Variants in LRRC39 observed in about 807,000 individuals in gnomAD.
LRRC39 encodes leucine-rich repeat-containing protein 39.
In LRRC39, 35 loss-of-function variants were observed where a neutral mutation model predicts 39.7. The ratio of observed to expected loss-of-function variants is 0.88; its 90% CI spans 0.67 to 1.17. The LOEUF (loss-of-function observed/expected upper bound fraction) is 1.17. Ranked by LOEUF, LRRC39 falls within the 50% of genes most tolerant of loss-of-function variation. LRRC39 has a pLI of 0.00. For synonymous variants in LRRC39, 113 were observed against 134.1 expected, an observed-to-expected ratio of 0.84 and a Z score of 1.09; for missense variants, 357 against 385.8, an observed-to-expected ratio of 0.93 and a Z score of 0.62.
At chr1:100,161,451 T>C (rs1297961384) in intron 3 of LRRC39, among the ~76,000 whole-genome samples, 13 of 152,234 alleles carry the variant, frequency 8.5e-5, no homozygotes, top group Admixed American at 2.0e-4. Flanking sequence ...TGTGGCAGAA[T>C]GATTCCACTG....
intron 5 of LRRC39, 36 bp downstream of exon 5, chr1:100,159,223 A>T (rs770886777): frequency 6.5e-7 from 1 of 1,538,420 alleles, no homozygotes. Flanking sequence ...CTGCAGGTGG[A>T]TAAAATAGCA....
At chr1:100,172,222 T>C (rs576222043) in intron 2 of LRRC39, among the ~76,000 whole-genome samples, 1 of 152,230 alleles carries the variant, frequency 6.6e-6, no homozygotes, top group Non-Finnish European at 1.5e-5. Context: ...TTCCTGAGAA[T>C]AGAAAAGAAA....
intron 3 of LRRC39, among the ~76,000 whole-genome samples, chr1:100,164,485 G>A (rs998307480): frequency 2.0e-5 from 3 of 152,102 alleles, no homozygotes; most frequent in Non-Finnish European, 4.4e-5. Context: ...AGATCCCTAT[G>A]GGATTCCTAC....
chr1:100,169,379 A>C (rs1659450308), intron 2 of LRRC39, among the ~76,000 whole-genome samples: 1 of 152,110 alleles, frequency 6.6e-6, no homozygotes, highest in African/African-American at 2.4e-5. Flanking sequence ...TTGCAACAAC[A>C]TAGGGAAACA....
At chr1:100,161,905 C>T (rs1341783172) in intron 3 of LRRC39, among the ~76,000 whole-genome samples, 1 of 152,190 alleles carries the variant, frequency 6.6e-6, no homozygotes, top group Non-Finnish European at 1.5e-5. Flanking sequence ...CCTTGGCCAC[C>T]CAAAGTGCTG....
intron 1 of LRRC39, 33 bp downstream of exon 1, chr1:100,178,102 T>G (rs1245034460): frequency 1.3e-5 from 2 of 152,316 alleles, no homozygotes; most frequent in East Asian, 1.9e-4. Context: ...GAAAAATGTT[T>G]TTGAAAAATA....
At chr1:100,177,968 A>G (rs1444941687) in intron 1 of LRRC39, 167 bp downstream of exon 1, 1 of 152,224 alleles carries the variant, frequency 6.6e-6, no homozygotes, top group Non-Finnish European at 1.5e-5. Context: ...GCACAATTAT[A>G]TGAGTGACCA....
intron 3 of LRRC39, among the ~76,000 whole-genome samples, chr1:100,161,944 G>C (rs1295993148): frequency 6.6e-6 from 1 of 152,160 alleles, no homozygotes; most frequent in African/African-American, 2.4e-5. Flanking sequence ...ACTGTGCCTG[G>C]CTATGTTTAA....
chr1:100,148,896 T>C lies in LRRC39; in HGVS notation c.*146A>G. ...ATTATATTTTTATATCAAAAAAATATATACTTTAAATAGCAAATAATATGA... is the reference window on the plus strand; with the variant it reads ...ATTATATTTTTATATCAAAAAAATACATACTTTAAATAGCAAATAATATGA... On this transcript the variant is annotated 3_prime_UTR_variant, in exon 10 of 10. Coordinates refer to ENST00000370137, the MANE Select transcript of LRRC39 (RefSeq NM_144620.4). The C allele has an allele frequency of 8.9e-7, 1 of 1,121,322 alleles. No individual in the cohort carries two copies. The highest frequency in any genetic ancestry group is 1.2e-6 in the Non-Finnish European group (1 of 854,132). 69.5% of individuals were successfully genotyped at this position (1,121,322 alleles called of 1,614,324 possible).
chr1:100,163,565 A>G (rs2101783182), intron 3 of LRRC39, among the ~76,000 whole-genome samples: 1 of 151,802 alleles, frequency 6.6e-6, no homozygotes, highest in East Asian at 1.9e-4. Flanking sequence ...TTCCAGCTTA[A>G]ATATTCTATA....
At chr1:100,168,362 G>T in intron 3 of LRRC39, 42 bp downstream of exon 3, 1 of 1,406,094 alleles carries the variant, frequency 7.1e-7, no homozygotes, top group South Asian at 1.3e-5. Context: ...ATGATAATAT[G>T]AATTTTCACT....
chr1:100,167,941 G>C (rs1037610248), intron 3 of LRRC39, among the ~76,000 whole-genome samples: 26 of 151,896 alleles, frequency 1.7e-4, no homozygotes, highest in Non-Finnish European at 3.4e-4. Flanking sequence ...CAGGAAAGTA[G>C]GTAAGATAAA....
chr1:100,176,160 T>C (rs11805428), intron 1 of LRRC39, among the ~76,000 whole-genome samples: 121,705 of 152,210 alleles, frequency 0.8, 49,945 homozygotes, highest in East Asian at 0.95. Flanking sequence ...TAGCTGGACA[T>C]GGTGGCTCAC....
intron 7 of LRRC39, among the ~76,000 whole-genome samples, chr1:100,155,730 C>T (rs904946239): frequency 2.0e-5 from 3 of 152,188 alleles, no homozygotes; most frequent in Non-Finnish European, 4.4e-5. Context: ...ACTCTGGGGC[C>T]AGGCTGCCTA....
intron 9 of LRRC39, among the ~76,000 whole-genome samples, chr1:100,150,960 TCTA>T (rs1657946427): frequency 6.6e-6 from 1 of 151,886 alleles, no homozygotes; most frequent in African/African-American, 2.4e-5. Flanking sequence ...AAACCCTGTC[TCTA>T]CTAAAAATAC....
In LRRC39 at chr1:100,148,640, AG is replaced by A. The variant is rs1657614129; in HGVS notation, c.*401del. 1 of 1,607,808 alleles carries A rather than the reference AG, an allele frequency of 6.2e-7. No individual in the cohort carries two copies. Among genetic ancestry groups the A allele is most frequent in the African/African-American group, 1.3e-5 (1 of 74,690 alleles). ...TTCAATTTAGGCTTCTTAGTGTTGAAGAAAAGAAGAAAATAGGGCATCTTTG... is the reference window on the plus strand; with the variant it reads ...TTCAATTTAGGCTTCTTAGTGTTGAAAAAAGAAGAAAATAGGGCATCTTTG... On this transcript the variant is annotated 3_prime_UTR_variant, in exon 10 of 10. Transcript: ENST00000370137.
intron 8 of LRRC39, 130 bp from the exon 9 acceptor site, chr1:100,152,654 G>T: frequency 2.2e-6 from 2 of 900,210 alleles, no homozygotes; most frequent in Non-Finnish European, 3.3e-6. Flanking sequence ...TGAACGACTT[G>T]GTGAGATGTG....
intron 3 of LRRC39, among the ~76,000 whole-genome samples, chr1:100,163,808 C>A (rs1445829585): frequency 6.6e-6 from 1 of 152,068 alleles, no homozygotes; most frequent in Non-Finnish European, 1.5e-5. Context: ...CGTGGTGGCT[C>A]ACGCTTGTAA....
chr1:100,153,331 A>G (rs1226670052), intron 8 of LRRC39, among the ~76,000 whole-genome samples: 1 of 152,240 alleles, frequency 6.6e-6, no homozygotes, highest in Non-Finnish European at 1.5e-5. Context: ...TAAATGTCAC[A>G]TCTGAAACAG....
Sources: allele counts gnomAD v4.1 joint callset (sites outside exome capture counted in the v4.1 genomes callset), GRCh38; gene constraint gnomAD v4.1.1; transcripts MANE v1.5; gene names NCBI Gene and HGNC (gene_info 2026-07-23, HGNC 2026-07-21).